Variants in APH1B observed in about 807,000 individuals in gnomAD.
APH1B encodes aph-1B gamma-secretase subunit.
In APH1B, 27 loss-of-function variants were observed where a neutral mutation model predicts 28.2. The observed-to-expected ratio is 0.96, with a 90% CI of 0.70 to 1.32. The LOEUF is 1.32. Ranked by LOEUF, APH1B falls within the 40% of genes most tolerant of loss-of-function variation. The pLI is 0.00. For synonymous variants in APH1B, 141 were observed against 124.6 expected (o/e 1.13, Z -0.88); for missense variants, 305 against 313.6 (o/e 0.97, Z 0.21).
At chr15:63,302,518 T>C (rs1157942784) in intron 5 of APH1B, 46 bp downstream of exon 5, 6 of 1,586,474 alleles carry the variant, frequency 3.8e-6, no homozygotes, top group South Asian at 1.1e-5. Context: ...AACTCAAGTC[T>C]ATGTATCTAA....
Position 63,305,962 on chromosome 15 carries a change from C to T in APH1B, c.*181C>T, listed in dbSNP as rs202180122. 9.6e-5 allele frequency: 72 copies of T among 752,854 alleles called. 1 individual carries two copies. The highest frequency in any genetic ancestry group is 9.8e-5 in the Non-Finnish European group (48 of 490,160). 46.6% of individuals were successfully genotyped at this position (752,854 alleles called of 1,614,324 possible). ...TCCGAAAGGGGTGCTCAGTGGTGTG[C>T]GTCCTGGCTGCACGAGAATCACCTG... On this transcript the variant is annotated 3_prime_UTR_variant, in exon 6 of 6. Transcript: ENST00000261879.
chr15:63,300,599 G>A (rs7166881), intron 4 of APH1B, among the ~76,000 whole-genome samples: 119,476 of 152,088 alleles, frequency 0.79, 47,468 homozygotes, highest in Non-Finnish European at 0.86. Context: ...CTCCTTTTCC[G>A]GGGTCATCAC....
At chr15:63,297,091 C>T (rs1169652246) in intron 4 of APH1B, among the ~76,000 whole-genome samples, 2 of 152,212 alleles carry the variant, frequency 1.3e-5, no homozygotes, top group African/African-American at 4.8e-5. Context: ...AACTGATATA[C>T]AGTACTTGTT....
intron 4 of APH1B, chr15:63,291,719 T>C (rs1200907193): frequency 6.6e-6 from 1 of 152,216 alleles, no homozygotes; most frequent in Non-Finnish European, 1.5e-5. Flanking sequence ...GGAATGTTCT[T>C]TTCTACCCTT....
chr15:63,303,095 A>C (rs1595765437), intron 5 of APH1B, among the ~76,000 whole-genome samples: 1 of 152,370 alleles, frequency 6.6e-6, no homozygotes, highest in African/African-American at 2.4e-5. Context: ...CAGATTTCAG[A>C]GAATGATTAC....
chr15:63,281,534 G>GA (rs58991721), intron 2 of APH1B, among the ~76,000 whole-genome samples: 1,770 of 115,126 alleles, frequency 0.015, 19 homozygotes, highest in African/African-American at 0.031. Flanking sequence ...GTCTAATTTT[G>GA]AAAAAAAAAA....
chr15:63,297,902 A>T (rs1022379519), intron 4 of APH1B, among the ~76,000 whole-genome samples: 1 of 152,200 alleles, frequency 6.6e-6, no homozygotes, highest in Non-Finnish European at 1.5e-5. Flanking sequence ...CGGAAACGAG[A>T]GCTGACTGCA....
chr15:63,298,368 G>T (rs566537760), intron 4 of APH1B, among the ~76,000 whole-genome samples: 1 of 151,962 alleles, frequency 6.6e-6, no homozygotes, highest in Non-Finnish European at 1.5e-5. Context: ...ACACTGCCAC[G>T]CCTGGCTAAT....
At chr15:63,293,310 G>A (rs1198335200) in intron 4 of APH1B, among the ~76,000 whole-genome samples, 18 of 150,922 alleles carry the variant, frequency 1.2e-4, no homozygotes, top group East Asian at 3.9e-4. Flanking sequence ...GACTACAGGC[G>A]CCTGCCACCA....
At chr15:63,298,899 A>T in intron 4 of APH1B, among the ~76,000 whole-genome samples, 1 of 20,834 alleles carries the variant, frequency 4.8e-5, no homozygotes, top group East Asian at 5.0e-4. Flanking sequence ...GTTGAATGTA[A>T]AAAAAAAAAA....
At chr15:63,299,595 G>A (rs2038603076) in intron 4 of APH1B, among the ~76,000 whole-genome samples, 1 of 151,906 alleles carries the variant, frequency 6.6e-6, no homozygotes. Flanking sequence ...TAGTACAGAC[G>A]GGGTTTTACC....
At chr15:63,295,403 TG>T (rs1317621978) in intron 4 of APH1B, among the ~76,000 whole-genome samples, 2 of 152,228 alleles carry the variant, frequency 1.3e-5, no homozygotes, top group African/African-American at 4.8e-5. Flanking sequence ...GCCTGTTTTT[TG>T]TTTTGTTTTG....
chr15:63,305,891 C>T lies in APH1B; in HGVS notation c.*110C>T. 7.2e-7 allele frequency: 1 copy of T among 1,385,390 alleles called. No homozygotes were observed. The highest frequency in any genetic ancestry group is 1.5e-5 in the South Asian group (1 of 68,492). The allele number at this position is 1,385,390 out of a possible 1,614,324, so 85.8% of individuals were successfully genotyped here. On this transcript the variant is annotated 3_prime_UTR_variant, in exon 6 of 6. Coordinates refer to ENST00000261879, the MANE Select transcript of APH1B (RefSeq NM_031301.4). ...TGGTGGAATTGAGAAAGAAATAAAACTATGCAGATATGCGTTCCATTCACT... is the reference window on the plus strand; with the variant it reads ...TGGTGGAATTGAGAAAGAAATAAAATTATGCAGATATGCGTTCCATTCACT...
rs2038698617 is a variant in APH1B at position 63,307,517 on chromosome 15, C to G, written c.*1736C>G. ...GAGTTTGCAGTTTTCCAGCTTTATA[C>G]AGGATTTTCCTTTGACTGGAAGAGT... On this transcript the variant is annotated 3_prime_UTR_variant, in exon 6 of 6. Transcript: ENST00000261879. The G allele has an allele frequency of 6.6e-6, 1 of 152,158 alleles. No homozygotes were observed. The highest frequency in any genetic ancestry group is 1.5e-5 in the Non-Finnish European group (1 of 68,040). The allele number at this position is 152,158 out of a possible 1,614,324, so 9.4% of individuals were successfully genotyped here.
chr15:63,277,847 C>A (rs2038341648), intron 1 of APH1B, 111 bp downstream of exon 1: 4 of 1,077,366 alleles, frequency 3.7e-6, no homozygotes, highest in South Asian at 1.5e-5. Context: ...GCGTTTCAGA[C>A]GGGAGGAGGG....
chr15:63,298,880 G>A (rs1457523231), intron 4 of APH1B, among the ~76,000 whole-genome samples: 1 of 141,620 alleles, frequency 7.1e-6, no homozygotes, highest in African/African-American at 2.7e-5. Flanking sequence ...TAGGTGCTCA[G>A]TAGATTGTGT....
At chr15:63,286,656 A>G in intron 3 of APH1B, 28 bp downstream of exon 3, 1 of 1,566,804 alleles carries the variant, frequency 6.4e-7, no homozygotes. Context: ...GGTTTCATTA[A>G]GGAAAAAAAT....
intron 4 of APH1B, among the ~76,000 whole-genome samples, chr15:63,288,243 A>G (rs892933436): frequency 1.3e-5 from 2 of 152,244 alleles, no homozygotes; most frequent in African/African-American, 4.8e-5. Flanking sequence ...AATAACATCT[A>G]TGCTAAAGCT....
At position 63,302,461 on chromosome 15, in the gene APH1B, G is replaced by A. The variant is rs61751105; in HGVS notation, c.595G>A (p.Val199Met). ...LLIVLLTHLL[V>M]SAQTFISSYY... ...TATCGTTCTCCTGACCCACCTGCTG[G>A]TGTCAGCCCAGGTGAGTGTTGCCGC... The change falls in exon 5 of 6, where the codon GTG becomes ATG. Residue 199 changes from valine to methionine, a missense_variant. Val to Met is a conservative substitution (Grantham distance 21). Coordinates refer to ENST00000261879, the MANE Select transcript of APH1B (RefSeq NM_031301.4). 3 of 1,613,456 alleles carry A rather than the reference G, an allele frequency of 1.9e-6. No homozygotes were observed. The highest frequency in any genetic ancestry group is 2.2e-5 in the East Asian group (1 of 44,870).
Sources: allele counts gnomAD v4.1 joint callset (sites outside exome capture counted in the v4.1 genomes callset), GRCh38; gene constraint gnomAD v4.1.1; transcripts MANE v1.5; gene names NCBI Gene and HGNC (gene_info 2026-07-23, HGNC 2026-07-21).